ZNF804A: variants seen among roughly 807,000 people sequenced by gnomAD.
ZNF804A encodes zinc finger protein 804A.
Under a neutral mutation model 16.5 loss-of-function variants are expected in ZNF804A, and 2 were observed. That is an observed-to-expected ratio of 0.12 (90% CI 0.05 to 0.38). The LOEUF (loss-of-function observed/expected upper bound fraction) is 0.38. Among genes scored for constraint, ZNF804A ranks in the 10% least tolerant of loss-of-function variants. The pLI is 0.99. For synonymous variants in ZNF804A, 534 were observed against 489.6 expected (o/e 1.09, Z -1.20); for missense variants, 1,473 against 1,390.7 (o/e 1.06, Z -0.94).
intron 1 of ZNF804A, among the ~76,000 whole-genome samples, chr2:184,740,967 A>G (rs1693701640): frequency 6.6e-6 from 1 of 152,168 alleles, no homozygotes; most frequent in African/African-American, 2.4e-5. Flanking sequence ...ATCAATGACT[A>G]CAGTTAATAG....
chr2:184,845,931 G>A (rs1264205568), intron 1 of ZNF804A, among the ~76,000 whole-genome samples: 1 of 152,058 alleles, frequency 6.6e-6, no homozygotes, highest in Non-Finnish European at 1.5e-5. Flanking sequence ...TGCTCCAGAT[G>A]AACAGTTCTT....
At chr2:184,764,989 C>T (rs1478392807) in intron 1 of ZNF804A, among the ~76,000 whole-genome samples, 2 of 152,050 alleles carry the variant, frequency 1.3e-5, no homozygotes, top group Admixed American at 1.3e-4. Context: ...AAAACTATTT[C>T]CTTGCCTGAA....
intron 1 of ZNF804A, among the ~76,000 whole-genome samples, chr2:184,865,852 A>G (rs185432709): frequency 2.0e-5 from 3 of 151,778 alleles, no homozygotes; most frequent in East Asian, 3.9e-4. Flanking sequence ...GGGTCAGGAT[A>G]AAAAAAAATC....
chr2:184,725,459 A>G (rs943008737), intron 1 of ZNF804A, among the ~76,000 whole-genome samples: 1 of 151,498 alleles, frequency 6.6e-6, no homozygotes, highest in African/African-American at 2.4e-5. Flanking sequence ...AACTTCACCT[A>G]CTCTAATAAT....
intron 1 of ZNF804A, among the ~76,000 whole-genome samples, chr2:184,626,085 G>T (rs947553480): frequency 2.0e-5 from 3 of 151,764 alleles, no homozygotes; most frequent in Non-Finnish European, 2.9e-5. Flanking sequence ...AGTCAGGATG[G>T]TCTTGATCTC....
intron 1 of ZNF804A, among the ~76,000 whole-genome samples, chr2:184,850,404 C>T (rs913521448): frequency 6.6e-6 from 1 of 151,736 alleles, no homozygotes; most frequent in African/African-American, 2.4e-5. Flanking sequence ...AACTGGCTGA[C>T]TCAATCAGTT....
intron 1 of ZNF804A, among the ~76,000 whole-genome samples, chr2:184,643,188 T>G (rs1320630767): frequency 2.0e-5 from 3 of 152,042 alleles, no homozygotes; most frequent in African/African-American, 7.2e-5. Flanking sequence ...TAAATATTTA[T>G]TACTTTTCTT....
chr2:184,701,565 A>G (rs1692919713), intron 1 of ZNF804A, among the ~76,000 whole-genome samples: 1 of 151,894 alleles, frequency 6.6e-6, no homozygotes, highest in Non-Finnish European at 1.5e-5. Flanking sequence ...TCATTTTATT[A>G]TGCCTTAGGA....
intron 1 of ZNF804A, among the ~76,000 whole-genome samples, chr2:184,724,939 G>C (rs1029964794): frequency 1.3e-5 from 2 of 151,734 alleles, no homozygotes; most frequent in African/African-American, 4.8e-5. Flanking sequence ...TAAATTTTAA[G>C]ATAAGAGTAA....
At chr2:184,926,541 C>A (rs774127288) in intron 2 of ZNF804A, among the ~76,000 whole-genome samples, 8 of 151,706 alleles carry the variant, frequency 5.3e-5, no homozygotes, top group Non-Finnish European at 8.8e-5. Flanking sequence ...ATATTGGTAA[C>A]TTTTTTTTAG....
intron 1 of ZNF804A, among the ~76,000 whole-genome samples, chr2:184,774,735 A>G (rs1386088543): frequency 6.6e-6 from 1 of 151,714 alleles, no homozygotes; most frequent in Non-Finnish European, 1.5e-5. Context: ...TCTGTGATAC[A>G]TTTTTGCCTT....
intron 1 of ZNF804A, among the ~76,000 whole-genome samples, chr2:184,813,993 CTTTTTTTTT>C (rs1163432699): frequency 1.0e-4 from 5 of 49,188 alleles, no homozygotes; most frequent in Admixed American, 2.9e-4. Flanking sequence ...AGAAAGGCAG[CTTTTTTTTT>C]TTTTTTTTTT....
intron 2 of ZNF804A, among the ~76,000 whole-genome samples, chr2:184,917,390 C>G (rs544990080): frequency 5.3e-5 from 8 of 152,064 alleles, no homozygotes; most frequent in Non-Finnish European, 1.2e-4. Context: ...GTAAAATTAA[C>G]AATACTTAGA....
At chr2:184,734,292 A>G (rs755871304) in intron 1 of ZNF804A, among the ~76,000 whole-genome samples, 1 of 152,134 alleles carries the variant, frequency 6.6e-6, no homozygotes, top group African/African-American at 2.4e-5. Context: ...TTGTTTTTCA[A>G]ATATGTGCTT....
Position 184,876,408 on chromosome 2 carries a change from G to A in ZNF804A, c.255+9896G>A, listed in dbSNP as rs527424049. On this transcript the variant is annotated intron_variant, in intron 2 of 3. Transcript: ENST00000302277. ...GGATTTTTTGGTGTGTATGTCGTGT[G>A]TACTTCAATCTAATTGAACTTCTGA... is the stretch of plus-strand genomic sequence containing the variant. Among the ~76,000 whole-genome samples the A allele has an allele frequency of 1.8e-4, 27 of 151,834 alleles. No individual in the cohort carries two copies. In the East Asian group the frequency reaches 4.6e-3, roughly 26 times the overall value.
intron 1 of ZNF804A, among the ~76,000 whole-genome samples, chr2:184,610,395 A>G (rs1414670794): frequency 6.6e-6 from 1 of 152,226 alleles, no homozygotes; most frequent in African/African-American, 2.4e-5. Flanking sequence ...GGGAGTTGCC[A>G]AAGACTTTTA....
chr2:184,631,083 CT>C (rs916857730), intron 1 of ZNF804A, among the ~76,000 whole-genome samples: 1 of 152,028 alleles, frequency 6.6e-6, no homozygotes, highest in African/African-American at 2.4e-5. Context: ...TTAAATAGCT[CT>C]GGATTATATG....
intron 2 of ZNF804A, among the ~76,000 whole-genome samples, chr2:184,892,548 G>T (rs555170727): frequency 2.3e-4 from 32 of 139,582 alleles, no homozygotes; most frequent in Non-Finnish European, 2.3e-4. Context: ...GCAGTGGCTC[G>T]ATCTCGGCTT....
At chr2:184,859,870 C>G (rs772185194) in intron 1 of ZNF804A, among the ~76,000 whole-genome samples, 1 of 152,204 alleles carries the variant, frequency 6.6e-6, no homozygotes, top group African/African-American at 2.4e-5. Context: ...GGGCCTAGTA[C>G]CTATGGCTTT....
Sources: gnomAD v4.1 joint callset for allele counts (sites outside exome capture counted in the v4.1 genomes callset) on GRCh38, gnomAD v4.1.1 for gene constraint, MANE v1.5 for transcripts, NCBI Gene and HGNC (gene_info 2026-07-23, HGNC 2026-07-21) for gene names.